Variants in COP1 observed in about 807,000 individuals in gnomAD.
COP1 encodes COP1 E3 ubiquitin ligase.
COP1 carries 24 observed loss-of-function variants against 101.3 expected under a neutral mutation model. That is an observed-to-expected ratio of 0.24 (90% CI 0.17 to 0.33). The LOEUF (loss-of-function observed/expected upper bound fraction) is 0.33. Ranked by LOEUF, COP1 falls within the 10% of genes least tolerant of loss-of-function variation. The pLI, the probability that COP1 is intolerant of heterozygous loss-of-function variation, is 1.00. For synonymous variants in COP1, 347 were observed against 341.9 expected (o/e 1.01, Z -0.17); for missense variants, 663 against 906.2 (o/e 0.73, Z 3.45).
chr1:176,023,259 C>G (rs1667069782), intron 15 of COP1, among the ~76,000 whole-genome samples: 1 of 152,068 alleles, frequency 6.6e-6, no homozygotes, highest in South Asian at 2.1e-4. Context: ...GGTGAAGAAA[C>G]TAGCAAATGT....
intron 11 of COP1, among the ~76,000 whole-genome samples, chr1:176,069,694 A>C (rs1676631952): frequency 6.6e-6 from 1 of 152,194 alleles, no homozygotes; most frequent in African/African-American, 2.4e-5. Context: ...CCTTGCCAGC[A>C]AATCTAAAAA....
intron 18 of COP1, among the ~76,000 whole-genome samples, chr1:175,982,751 T>C (rs1656171963): frequency 6.6e-6 from 1 of 152,248 alleles, no homozygotes; most frequent in South Asian, 2.1e-4. Flanking sequence ...TTGGAGGACA[T>C]TATGCTAAGT....
chr1:176,036,968 C>G (rs2149131353), intron 14 of COP1, among the ~76,000 whole-genome samples: 1 of 152,116 alleles, frequency 6.6e-6, no homozygotes, highest in South Asian at 2.1e-4. Flanking sequence ...AATGAACTGT[C>G]AAAAATTACA....
At chr1:176,067,894 C>T (rs1009887970) in intron 11 of COP1, among the ~76,000 whole-genome samples, 2 of 152,216 alleles carry the variant, frequency 1.3e-5, no homozygotes, top group Non-Finnish European at 2.9e-5. Context: ...CACGCTCCCA[C>T]GATCTGCCTG....
intron 15 of COP1, among the ~76,000 whole-genome samples, chr1:176,026,271 T>C (rs1456322745): frequency 6.6e-6 from 1 of 152,058 alleles, no homozygotes; most frequent in Non-Finnish European, 1.5e-5. Flanking sequence ...ATGGCCAGTA[T>C]GTTTATAAAA....
rs1327598088 is a variant in COP1 at position 175,996,770 on chromosome 1, C to T, written c.1730-7291G>A. ...AAGAGGATACAAACAAATGGAAGAACATTCCATGCTCATGGGTAGGAAGAA... is the reference window on the plus strand; with the variant it reads ...AAGAGGATACAAACAAATGGAAGAATATTCCATGCTCATGGGTAGGAAGAA... On this transcript the variant is annotated intron_variant, in intron 15 of 19. Coordinates refer to ENST00000367669, the MANE Select transcript of COP1 (RefSeq NM_022457.7). Among the ~76,000 whole-genome samples, 11 of 152,152 alleles carry T rather than the reference C, an allele frequency of 7.2e-5. No homozygotes were observed. In the South Asian group the frequency reaches 1.0e-3, roughly 14 times the overall value.
At chr1:176,144,669 T>C (rs761085565) in intron 6 of COP1, among the ~76,000 whole-genome samples, 1 of 152,032 alleles carries the variant, frequency 6.6e-6, no homozygotes, top group South Asian at 2.1e-4. Flanking sequence ...TAATACAAGG[T>C]GGTATTGCGA....
At chr1:176,202,984 T>C (rs990254968) in intron 1 of COP1, among the ~76,000 whole-genome samples, 2 of 152,132 alleles carry the variant, frequency 1.3e-5, no homozygotes, top group African/African-American at 4.8e-5. Context: ...ACATATTTAC[T>C]GAATGGTAGA....
intron 18 of COP1, among the ~76,000 whole-genome samples, chr1:175,962,852 T>C (rs906481780): frequency 3.3e-5 from 5 of 152,164 alleles, no homozygotes; most frequent in Non-Finnish European, 5.9e-5. Flanking sequence ...AAGTGAATTC[T>C]TGGAAAAGCA....
intron 14 of COP1, among the ~76,000 whole-genome samples, chr1:176,028,502 T>C (rs931291513): frequency 9.4e-5 from 14 of 148,918 alleles, no homozygotes; most frequent in South Asian, 4.3e-4. Flanking sequence ...GAGGCAGAGG[T>C]TGCAGTGAGC....
chr1:175,988,166 A>G (rs1243012932), intron 17 of COP1, 122 bp downstream of exon 17: 5 of 884,658 alleles, frequency 5.7e-6, no homozygotes, highest in African/African-American at 3.4e-5. Context: ...CATCATGTCT[A>G]TTATACTATC....
intron 18 of COP1, among the ~76,000 whole-genome samples, chr1:175,949,152 C>A: frequency 9.6e-6 from 1 of 104,234 alleles, no homozygotes; most frequent in Non-Finnish European, 1.8e-5. Context: ...GGAGAGACTC[C>A]AGCAAGGCTC....
chr1:176,009,475 T>C (rs1424745829), intron 15 of COP1, among the ~76,000 whole-genome samples: 1 of 152,168 alleles, frequency 6.6e-6, no homozygotes, highest in Non-Finnish European at 1.5e-5. Flanking sequence ...GGCATATAAG[T>C]AAAGGTTAAA....
intron 11 of COP1, among the ~76,000 whole-genome samples, chr1:176,050,707 A>C (rs183423020): frequency 4.7e-4 from 71 of 152,364 alleles, no homozygotes; most frequent in African/African-American, 1.5e-3. Context: ...TACTACTTGA[A>C]ACTTCCATAA....
At chr1:176,131,321 C>G (rs1487690426) in intron 8 of COP1, among the ~76,000 whole-genome samples, 2 of 151,710 alleles carry the variant, frequency 1.3e-5, no homozygotes, top group African/African-American at 4.8e-5. Flanking sequence ...AAGGCAGAAG[C>G]AGTAAAATAG....
chr1:176,006,134 G>A (rs1663135219), intron 15 of COP1, among the ~76,000 whole-genome samples: 1 of 152,016 alleles, frequency 6.6e-6, no homozygotes, highest in South Asian at 2.1e-4. Flanking sequence ...ATCTTTGTTG[G>A]TTTAAAGTCT....
chr1:176,076,402 A>T (rs571648375), intron 11 of COP1, among the ~76,000 whole-genome samples: 1 of 152,350 alleles, frequency 6.6e-6, no homozygotes, highest in African/African-American at 2.4e-5. Context: ...TAAGGCAGGA[A>T]TAACAAAATT....
In COP1 at chr1:176,162,858, C is replaced by G. The variant is rs1157206812; in HGVS notation, c.762+11G>C. On this transcript the variant is annotated intron_variant, in intron 5 of 19. Coordinates refer to ENST00000367669, the MANE Select transcript of COP1 (RefSeq NM_022457.7). ...CATTTAAAATTTTTTTTAAGTTTAG[C>G]TACCACTTACTGCTTCCAGTTGTTT... The G allele has an allele frequency of 1.3e-6, 2 of 1,570,342 alleles. No homozygotes were observed. Among genetic ancestry groups the G allele is most frequent in the Non-Finnish European group, 1.7e-6 (2 of 1,163,194 alleles).
At chr1:176,022,393 T>C (rs1666908100) in intron 15 of COP1, among the ~76,000 whole-genome samples, 1 of 152,054 alleles carries the variant, frequency 6.6e-6, no homozygotes, top group Non-Finnish European at 1.5e-5. Context: ...AAAAGCAATG[T>C]TTAAGAAAAG....
Sources: gnomAD v4.1 joint callset for allele counts (sites outside exome capture counted in the v4.1 genomes callset) on GRCh38, gnomAD v4.1.1 for gene constraint, MANE v1.5 for transcripts, NCBI Gene and HGNC (gene_info 2026-07-23, HGNC 2026-07-21) for gene names.